Variants in UNC13C observed in about 807,000 individuals in gnomAD.
UNC13C encodes protein unc-13 homolog C.
In UNC13C, 174 loss-of-function variants were observed where a neutral mutation model predicts 245.4. That is an observed-to-expected ratio of 0.71 (90% CI 0.63 to 0.80). UNC13C has a LOEUF of 0.80. UNC13C is among the 30% of genes least tolerant of loss of function. UNC13C has a pLI of 0.00. For missense variants in UNC13C, 2,829 were observed against 2,602.9 expected, an observed-to-expected ratio of 1.09 and a Z score of -1.89; for synonymous variants, 992 against 895.1, an observed-to-expected ratio of 1.11 and a Z score of -1.93.
chr15:53,906,860 A>T, the UNC13C span, among the ~76,000 whole-genome samples: 1 of 152,224 alleles, frequency 6.6e-6, no homozygotes, highest in Non-Finnish European at 1.5e-5. Context: ...GACCTTCTTC[A>T]CATGGTGGCA....
chr15:54,099,171 G>A (rs893987067), intron 2 of UNC13C, among the ~76,000 whole-genome samples: 4 of 152,192 alleles, frequency 2.6e-5, no homozygotes, highest in African/African-American at 9.7e-5. Flanking sequence ...AAAAGTGATA[G>A]CAACTTCAGG....
At chr15:53,970,234 T>C in the UNC13C span, among the ~76,000 whole-genome samples, 4 of 152,100 alleles carry the variant, frequency 2.6e-5, no homozygotes, top group Non-Finnish European at 5.9e-5. Flanking sequence ...CACTCCTGGC[T>C]AATTTTTTGT....
chr15:53,969,996 T>A, the UNC13C span, among the ~76,000 whole-genome samples: 2 of 152,102 alleles, frequency 1.3e-5, no homozygotes, highest in Admixed American at 6.6e-5. Flanking sequence ...CTGGCATATC[T>A]CACTTAGCAT....
At chr15:54,556,229 T>C (rs1791391089) in intron 29 of UNC13C, among the ~76,000 whole-genome samples, 1 of 152,070 alleles carries the variant, frequency 6.6e-6, no homozygotes. Context: ...TACTCTTCAC[T>C]GGGGGAAACA....
the UNC13C span, among the ~76,000 whole-genome samples, chr15:53,937,022 C>A: frequency 6.6e-6 from 1 of 152,288 alleles, no homozygotes; most frequent in East Asian, 1.9e-4. Flanking sequence ...CAGAACTGGG[C>A]TGAGGCTGAG....
At chr15:54,058,474 C>G (rs950905023) in intron 2 of UNC13C, among the ~76,000 whole-genome samples, 1 of 152,168 alleles carries the variant, frequency 6.6e-6, no homozygotes, top group African/African-American at 2.4e-5. Flanking sequence ...TAATTAATAG[C>G]TTACCAACCA....
At chr15:54,434,828 C>G (rs1322616702) in intron 19 of UNC13C, among the ~76,000 whole-genome samples, 2 of 152,098 alleles carry the variant, frequency 1.3e-5, no homozygotes, top group Non-Finnish European at 2.9e-5. Flanking sequence ...TTTTTGCAAT[C>G]TATCCATCTG....
intron 2 of UNC13C, among the ~76,000 whole-genome samples, chr15:54,026,165 A>G (rs1468549281): frequency 1.3e-5 from 2 of 152,222 alleles, no homozygotes; most frequent in East Asian, 3.9e-4. Flanking sequence ...TGCATTTTCT[A>G]GAAACAAAAT....
chr15:54,076,269 C>T (rs951952097), intron 2 of UNC13C, among the ~76,000 whole-genome samples: 1 of 123,326 alleles, frequency 8.1e-6, no homozygotes, highest in African/African-American at 3.1e-5. Flanking sequence ...TCCCCCCACC[C>T]CACCACAGTC....
At chr15:54,147,220 CTT>C (rs5812743) in intron 4 of UNC13C, among the ~76,000 whole-genome samples, 161 of 130,596 alleles carry the variant, frequency 1.2e-3, no homozygotes, top group Admixed American at 2.9e-3. Context: ...ATGAAACTAC[CTT>C]TTTTTTTTTT....
chr15:54,626,870 T>C lies in UNC13C; in HGVS notation c.6402T>C (p.His2134=). 4 of 1,613,172 alleles carry C rather than the reference T, an allele frequency of 2.5e-6. No individual in the cohort carries two copies. The highest frequency in any genetic ancestry group is 1.1e-5 in the South Asian group (1 of 91,056). ...KENRPGAYEL[H]LSVKDYCFAR... ...ATCGACCAGGGGCTTATGAACTTCA[T>C]CTCTCAGTTAAGGATTACTGCTTTG... The change falls in exon 33 of 33, where the codon CAT becomes CAC. Residue 2134 remains histidine, a synonymous_variant. Coordinates refer to ENST00000260323, the MANE Select transcript of UNC13C (RefSeq NM_001080534.3).
intron 8 of UNC13C, among the ~76,000 whole-genome samples, chr15:54,252,995 A>G (rs911716179): frequency 1.3e-5 from 2 of 152,236 alleles, no homozygotes; most frequent in Admixed American, 1.3e-4. Context: ...TCTATTAAAT[A>G]TGACAGTTTT....
At chr15:54,043,132 A>T (rs1051003424) in intron 2 of UNC13C, among the ~76,000 whole-genome samples, 25 of 152,318 alleles carry the variant, frequency 1.6e-4, no homozygotes, top group Non-Finnish European at 2.6e-4. Flanking sequence ...GGGTTTTGAA[A>T]TCATACATTT....
chr15:54,377,599 C>T (rs1208922061), intron 17 of UNC13C, among the ~76,000 whole-genome samples: 1 of 152,184 alleles, frequency 6.6e-6, no homozygotes, highest in East Asian at 1.9e-4. Flanking sequence ...TTATAAGCAA[C>T]AGAAATTTAT....
At chr15:54,465,568 C>T (rs1307929209) in intron 19 of UNC13C, among the ~76,000 whole-genome samples, 1 of 151,964 alleles carries the variant, frequency 6.6e-6, no homozygotes, top group Non-Finnish European at 1.5e-5. Flanking sequence ...TTTGAAGCTA[C>T]ATTTAAGTAA....
At chr15:53,857,651 A>G in the UNC13C span, among the ~76,000 whole-genome samples, 1 of 152,216 alleles carries the variant, frequency 6.6e-6, no homozygotes, top group African/African-American at 2.4e-5. Context: ...TATACCAGTA[A>G]TATTCTAAGA....
At chr15:54,220,360 A>G in intron 4 of UNC13C, among the ~76,000 whole-genome samples, 1 of 147,940 alleles carries the variant, frequency 6.8e-6, no homozygotes, top group Admixed American at 6.7e-5. Flanking sequence ...GGAACCAAAC[A>G]GCGCATGTTC....
chr15:54,308,015 G>A (rs1052284086), intron 13 of UNC13C, among the ~76,000 whole-genome samples: 8 of 151,850 alleles, frequency 5.3e-5, no homozygotes, highest in Admixed American at 2.0e-4. Context: ...ATTTTGCATA[G>A]TATCTCTGAA....
intron 19 of UNC13C, among the ~76,000 whole-genome samples, chr15:54,423,486 C>T (rs990106603): frequency 5.3e-5 from 8 of 151,758 alleles, no homozygotes; most frequent in African/African-American, 1.2e-4. Flanking sequence ...TTTTTGTGTA[C>T]CTAGCTCTTT....
Sources: gnomAD v4.1 joint callset for allele counts (sites outside exome capture counted in the v4.1 genomes callset) on GRCh38, gnomAD v4.1.1 for gene constraint, MANE v1.5 for transcripts, NCBI Gene and HGNC (gene_info 2026-07-23, HGNC 2026-07-21) for gene names.